MECOM: variants seen among roughly 807,000 people sequenced by gnomAD.
The protein encoded by MECOM is histone-lysine N-methyltransferase MECOM.
In MECOM, 13 loss-of-function variants were observed where a neutral mutation model predicts 116.3. The ratio of observed to expected loss-of-function variants is 0.11; its 90% CI spans 0.07 to 0.18. MECOM has a LOEUF of 0.18. Among genes scored for constraint, MECOM ranks in the 10% least tolerant of loss-of-function variants. The pLI, the probability that MECOM is intolerant of heterozygous loss-of-function variation, is 1.00. For missense variants in MECOM, 1,299 were observed against 1,509.0 expected, an observed-to-expected ratio of 0.86 and a Z score of 2.31; for synonymous variants, 528 against 535.2, an observed-to-expected ratio of 0.99 and a Z score of 0.19.
chr3:169,450,598 T>C (rs1424961481), intron 1 of MECOM, among the ~76,000 whole-genome samples: 1 of 150,206 alleles, frequency 6.7e-6, no homozygotes, highest in Non-Finnish European at 1.5e-5. Flanking sequence ...AAAAAAATGA[T>C]GACAAAAAAG....
chr3:169,261,711 A>AAGAAGG lies in MECOM; in HGVS notation c.376-117885_376-117880dup, dbSNP rs370712756. On this transcript the variant is annotated intron_variant, in intron 2 of 16. Transcript: ENST00000651503. ...AGCGAAACTCCATCTCAAGAAGAAG[A>AAGAAGG]AGAAGGAGAAGGAGAAGGAGAAGGA... 2.1e-3 allele frequency among the ~76,000 whole-genome samples: 309 copies of AAGAAGG among 150,646 alleles called. 1 individual carries two copies. The highest frequency in any genetic ancestry group is 3.4e-3 in the Middle Eastern group (1 of 294).
At chr3:169,264,768 T>C (rs562353833) in intron 2 of MECOM, among the ~76,000 whole-genome samples, 1 of 152,322 alleles carries the variant, frequency 6.6e-6, no homozygotes, top group East Asian at 1.9e-4. Context: ...TTATACAAGT[T>C]TCTGAAGCTT....
intron 2 of MECOM, among the ~76,000 whole-genome samples, chr3:169,375,653 C>T (rs1276540811): frequency 6.6e-6 from 1 of 152,080 alleles, no homozygotes; most frequent in Non-Finnish European, 1.5e-5. Flanking sequence ...CCTGAATACA[C>T]CAATAACAAG....
At chr3:169,460,461 A>G (rs1159165210) in intron 1 of MECOM, among the ~76,000 whole-genome samples, 1 of 152,216 alleles carries the variant, frequency 6.6e-6, no homozygotes, top group African/African-American at 2.4e-5. Flanking sequence ...CATAGAATTC[A>G]GCACCCTCAT....
At chr3:169,514,783 C>T (rs1756421335) in intron 1 of MECOM, among the ~76,000 whole-genome samples, 1 of 152,148 alleles carries the variant, frequency 6.6e-6, no homozygotes, top group African/African-American at 2.4e-5. Flanking sequence ...GTTCAAGGGT[C>T]CAAATATTGT....
chr3:169,170,910 C>A (rs936378298), intron 2 of MECOM, among the ~76,000 whole-genome samples: 15 of 152,164 alleles, frequency 9.9e-5, no homozygotes, highest in African/African-American at 3.6e-4. Flanking sequence ...AATTCTAAAT[C>A]CACTGGGCAG....
At chr3:169,371,362 G>A (rs1486898819) in intron 2 of MECOM, among the ~76,000 whole-genome samples, 1 of 151,924 alleles carries the variant, frequency 6.6e-6, no homozygotes, top group Non-Finnish European at 1.5e-5. Flanking sequence ...AGGAGGTAGG[G>A]GAAATGGGGA....
intron 1 of MECOM, among the ~76,000 whole-genome samples, chr3:169,555,145 T>C (rs1440196138): frequency 6.6e-6 from 1 of 152,248 alleles, no homozygotes; most frequent in Non-Finnish European, 1.5e-5. Flanking sequence ...AGAAATATAA[T>C]TCACAGCTTG....
At chr3:169,659,072 CA>C (rs199570807) in intron 1 of MECOM, among the ~76,000 whole-genome samples, 1,601 of 83,542 alleles carry the variant, frequency 0.019, 25 homozygotes, top group African/African-American at 0.059. Flanking sequence ...CCTTCAACTC[CA>C]AAAAAAAAAA....
chr3:169,133,015 A>G (rs1735242629), intron 3 of MECOM, among the ~76,000 whole-genome samples: 1 of 151,824 alleles, frequency 6.6e-6, no homozygotes, highest in Non-Finnish European at 1.5e-5. Flanking sequence ...AGGCCTCTCA[A>G]CGTCCTAGGA....
intron 2 of MECOM, among the ~76,000 whole-genome samples, chr3:169,358,695 C>A (rs911488631): frequency 6.6e-6 from 1 of 151,578 alleles, no homozygotes; most frequent in Non-Finnish European, 1.5e-5. Context: ...GAATTTAGGG[C>A]CTACACGAAA....
At chr3:169,356,968 C>A (rs1174447920) in intron 2 of MECOM, among the ~76,000 whole-genome samples, 1 of 151,802 alleles carries the variant, frequency 6.6e-6, no homozygotes, top group Non-Finnish European at 1.5e-5. Flanking sequence ...AGAGTAGTGT[C>A]ACATAAAGAG....
At chr3:169,394,556 T>A (rs1040887713) in intron 1 of MECOM, among the ~76,000 whole-genome samples, 1 of 152,176 alleles carries the variant, frequency 6.6e-6, no homozygotes, top group Non-Finnish European at 1.5e-5. Context: ...GTAATGACTT[T>A]AAATTGGATT....
intron 2 of MECOM, among the ~76,000 whole-genome samples, chr3:169,364,468 G>A (rs189948068): frequency 1.3e-5 from 2 of 152,024 alleles, no homozygotes; most frequent in African/African-American, 4.8e-5. Context: ...ATAGACATAG[G>A]TTGATTATCA....
At chr3:169,549,108 G>A (rs1181413433) in intron 1 of MECOM, among the ~76,000 whole-genome samples, 1 of 151,896 alleles carries the variant, frequency 6.6e-6, no homozygotes, top group East Asian at 1.9e-4. Flanking sequence ...CGAGTAGCTG[G>A]GACTACAGGC....
rs796455883 is a variant in MECOM at position 169,551,027 on chromosome 3, T to G, written c.37+112309A>C. On this transcript the variant is annotated intron_variant, in intron 1 of 16. Coordinates refer to ENST00000651503, the MANE Select transcript of MECOM (RefSeq NM_004991.4). ...TTTAGTAGAGACGGGGTTTCACCGT[T>G]TTAGCCGGGATGGTCTCGATCTCCT... Among the ~76,000 whole-genome samples the G allele has an allele frequency of 2.2e-3, 320 of 146,630 alleles. 37 individuals carry two copies. The highest frequency in any genetic ancestry group is 7.6e-3 in the African/African-American group (307 of 40,568).
intron 1 of MECOM, among the ~76,000 whole-genome samples, chr3:169,569,994 G>A (rs1763688479): frequency 6.6e-6 from 1 of 152,066 alleles, no homozygotes; most frequent in Admixed American, 6.6e-5. Flanking sequence ...GATCAGAATA[G>A]AATTGAAGGA....
intron 1 of MECOM, among the ~76,000 whole-genome samples, chr3:169,444,391 G>C (rs1247059603): frequency 6.6e-6 from 1 of 152,106 alleles, no homozygotes; most frequent in Non-Finnish European, 1.5e-5. Context: ...CCATGGGGAG[G>C]TAATTGAATC....
intron 1 of MECOM, among the ~76,000 whole-genome samples, chr3:169,589,335 A>G (rs6791154): frequency 0.45 from 68,353 of 151,774 alleles, 15,751 homozygotes; most frequent in Middle Eastern, 0.52. Context: ...GAATGACACC[A>G]CTATTCTTAT....
Sources: allele counts gnomAD v4.1 joint callset (sites outside exome capture counted in the v4.1 genomes callset), GRCh38; gene constraint gnomAD v4.1.1; transcripts MANE v1.5; gene names NCBI Gene and HGNC (gene_info 2026-07-23, HGNC 2026-07-21).